XKR9: variants seen among roughly 807,000 people sequenced by gnomAD.
XKR9 encodes the protein XK-related protein 9.
Under a neutral mutation model 32.0 loss-of-function variants are expected in XKR9, and 32 were observed. The observed-to-expected ratio is 1.00, with a 90% CI of 0.76 to 1.34. The LOEUF is 1.34. Among genes scored for constraint, XKR9 ranks in the 40% most tolerant of loss-of-function variants. The probability of loss-of-function intolerance (pLI) is 0.00; values close to 1 mark genes in which losing one functional copy is unlikely to be tolerated. For missense variants in XKR9, 546 were observed against 429.7 expected (o/e 1.27, Z -2.39); for synonymous variants, 168 against 143.4 (o/e 1.17, Z -1.22).
At chr8:70,727,251 CATT>C (rs1563452447) in intron 4 of XKR9, among the ~76,000 whole-genome samples, 2 of 151,052 alleles carry the variant, frequency 1.3e-5, no homozygotes, top group Non-Finnish European at 2.9e-5. Flanking sequence ...AAAATCAAAA[CATT>C]ATAAAAAAGA....
chr8:71,000,712 CTG>C, the XKR9 span, among the ~76,000 whole-genome samples: 1 of 152,132 alleles, frequency 6.6e-6, no homozygotes, highest in Non-Finnish European at 1.5e-5. Flanking sequence ...TGACAGAACT[CTG>C]TCTTATTTTT....
At chr8:70,817,297 G>T in the XKR9 span, among the ~76,000 whole-genome samples, 1 of 152,098 alleles carries the variant, frequency 6.6e-6, no homozygotes. Context: ...CAAAATCAGT[G>T]CATAAAAATT....
chr8:70,903,731 A>G, the XKR9 span, among the ~76,000 whole-genome samples: 2 of 152,048 alleles, frequency 1.3e-5, no homozygotes, highest in Non-Finnish European at 2.9e-5. Context: ...TTGTGATGTT[A>G]AGGTTTCAAT....
the XKR9 span, among the ~76,000 whole-genome samples, chr8:71,046,341 G>A: frequency 6.6e-6 from 1 of 152,156 alleles, no homozygotes; most frequent in Non-Finnish European, 1.5e-5. Context: ...GGCTGCCGAG[G>A]GAGATTCCCC....
At chr8:70,801,917 CTCT>C in the XKR9 span, among the ~76,000 whole-genome samples, 1 of 151,462 alleles carries the variant, frequency 6.6e-6, no homozygotes, top group Non-Finnish European at 1.5e-5. Flanking sequence ...TTGTGTAATG[CTCT>C]TCTTTTTCTT....
intron 3 of XKR9, among the ~76,000 whole-genome samples, chr8:70,688,547 G>A (rs1819389768): frequency 6.6e-6 from 1 of 152,030 alleles, no homozygotes; most frequent in Non-Finnish European, 1.5e-5. Flanking sequence ...CTTCTGAGTA[G>A]CTGGGACTAC....
chr8:70,751,231 G>C (rs1217427113), intron 2 of XKR9, among the ~76,000 whole-genome samples: 1 of 152,174 alleles, frequency 6.6e-6, no homozygotes, highest in Non-Finnish European at 1.5e-5. Context: ...GGGGGTTTAA[G>C]GGATTCTCCC....
chr8:70,795,248 G>A (rs1239638188), downstream of XKR9, among the ~76,000 whole-genome samples: 55 of 152,036 alleles, frequency 3.6e-4, no homozygotes, highest in Admixed American at 3.6e-3. Flanking sequence ...TTCTGTTCCT[G>A]TGTTAGTTTG....
the XKR9 span, among the ~76,000 whole-genome samples, chr8:70,853,996 A>G: frequency 6.6e-6 from 1 of 152,016 alleles, no homozygotes; most frequent in African/African-American, 2.4e-5. Flanking sequence ...ACATGTGTGC[A>G]TGTATCTTTA....
the XKR9 span, among the ~76,000 whole-genome samples, chr8:70,952,993 T>C: frequency 6.6e-6 from 1 of 152,202 alleles, no homozygotes; most frequent in African/African-American, 2.4e-5. Context: ...AGTTCAGTTG[T>C]CAAGTTCGCA....
At chr8:70,798,796 G>C in the XKR9 span, among the ~76,000 whole-genome samples, 2 of 152,160 alleles carry the variant, frequency 1.3e-5, no homozygotes, top group Non-Finnish European at 2.9e-5. Flanking sequence ...AGCATTTATT[G>C]AATAGGGAGT....
chr8:70,942,197 G>A, the XKR9 span, among the ~76,000 whole-genome samples: 1 of 152,142 alleles, frequency 6.6e-6, no homozygotes, highest in Non-Finnish European at 1.5e-5. Flanking sequence ...TGCTCTAACA[G>A]TGGGAGCAGT....
chr8:70,748,887 T>A (rs1807095845), intron 2 of XKR9, among the ~76,000 whole-genome samples: 1 of 152,066 alleles, frequency 6.6e-6, no homozygotes, highest in African/African-American at 2.4e-5. Context: ...ACATTGGGAC[T>A]ACAAGCTCTG....
chr8:70,845,861 C>A, the XKR9 span, among the ~76,000 whole-genome samples: 2 of 151,868 alleles, frequency 1.3e-5, no homozygotes, highest in African/African-American at 2.4e-5. Flanking sequence ...GTAAAGAGAC[C>A]AAAGGCATAG....
At chr8:70,809,447 T>C in the XKR9 span, among the ~76,000 whole-genome samples, 2 of 152,210 alleles carry the variant, frequency 1.3e-5, no homozygotes, top group Admixed American at 6.5e-5. Context: ...GGACGGAGAA[T>C]GACTTTGATG....
the XKR9 span, among the ~76,000 whole-genome samples, chr8:70,973,005 T>C: frequency 6.6e-6 from 1 of 152,194 alleles, no homozygotes; most frequent in Non-Finnish European, 1.5e-5. Flanking sequence ...GGAGTCCTTC[T>C]TTCCCTATCT....
chr8:70,997,609 G>A, the XKR9 span, among the ~76,000 whole-genome samples: 7 of 152,008 alleles, frequency 4.6e-5, no homozygotes, highest in Admixed American at 1.3e-4. Flanking sequence ...TTGGGGACAC[G>A]GGGGAAAGGG....
chr8:70,829,109 A>G, the XKR9 span, among the ~76,000 whole-genome samples: 1 of 152,284 alleles, frequency 6.6e-6, no homozygotes, highest in South Asian at 2.1e-4. Context: ...GTTGCAGTTT[A>G]TCTTTTAAAT....
the XKR9 span, among the ~76,000 whole-genome samples, chr8:70,853,205 G>A: frequency 1.3e-5 from 2 of 151,964 alleles, no homozygotes; most frequent in Non-Finnish European, 2.9e-5. Flanking sequence ...CAAAACGACT[G>A]AACTCATCAA....
Sources: gnomAD v4.1 joint callset for allele counts (sites outside exome capture counted in the v4.1 genomes callset) on GRCh38, gnomAD v4.1.1 for gene constraint, MANE v1.5 for transcripts, NCBI Gene and HGNC (gene_info 2026-07-23, HGNC 2026-07-21) for gene names.